UBA2: variants seen among roughly 807,000 people sequenced by gnomAD.
The protein encoded by UBA2 is ubiquitin like modifier activating enzyme 2, also known as SUMO-activating enzyme subunit 2.
UBA2 carries 11 observed loss-of-function variants against 77.2 expected under a neutral mutation model. The observed-to-expected ratio is 0.14, with a 90% CI of 0.09 to 0.24. UBA2 has a LOEUF of 0.24. UBA2 is among the 10% of genes least tolerant of loss of function. The probability of loss-of-function intolerance (pLI) is 1.00; values close to 1 mark genes in which losing one functional copy is unlikely to be tolerated. For synonymous variants in UBA2, 278 were observed against 276.7 expected (o/e 1.00, Z -0.05); for missense variants, 487 against 781.7 (o/e 0.62, Z 4.50).
intron 2 of UBA2, among the ~76,000 whole-genome samples, chr19:34,431,651 G>A (rs561974865): frequency 6.6e-6 from 1 of 152,102 alleles, no homozygotes; most frequent in South Asian, 2.1e-4. Context: ...CGTGGGTCAG[G>A]GGGGGCTCTC....
rs1357686886 is a variant in UBA2, at chr19:34,434,950, A to G, written c.441A>G (p.Gln147=). 3 of 1,604,880 alleles carry G rather than the reference A, an allele frequency of 1.9e-6. No homozygotes were observed. Among genetic ancestry groups the G allele is most frequent in the Non-Finnish European group, 2.6e-6 (3 of 1,176,154 alleles). ...GTGGAACAGCTGGGTATCTTGGACA[A>G]GTAACTACTATCAAAAAGGTAAAGA... ...IESGTAGYLG[Q]VTTIKKGVTE... Residue 147 remains glutamine (Q), a synonymous_variant, in exon 5 of 17, where the codon CAA becomes CAG. Transcript: ENST00000246548.
chr19:34,431,251 T>TC (rs2075251059), intron 2 of UBA2, among the ~76,000 whole-genome samples: 1 of 133,596 alleles, frequency 7.5e-6, no homozygotes, highest in Non-Finnish European at 1.6e-5. Flanking sequence ...TTTCTTTTTT[T>TC]TTTTTTTTTT....
chr19:34,445,224 G>GCTT, intron 8 of UBA2, 103 bp downstream of exon 8: 1 of 1,242,110 alleles, frequency 8.1e-7, no homozygotes, highest in East Asian at 2.4e-5. Context: ...ATTGAATTAA[G>GCTT]CTTCTATGTA....
Position 34,454,345 on chromosome 19 carries a change from A to T in UBA2, c.1124A>T (p.Asp375Val). ...AGTATGAATATGAAGAGTAGATTTGATATCAAATGTAAGTTATTTGTACTA... is the reference window on the plus strand; with the variant it reads ...AGTATGAATATGAAGAGTAGATTTGTTATCAAATGTAAGTTATTTGTACTA... The part of the protein sequence containing the change: ...IFSMNMKSRF[D>V]IKSMAGNIIP... The change falls in exon 11 of 17, where the codon GAT becomes GTT. Residue 375 changes from aspartate (D) to valine (V), a missense_variant. Physicochemically the swap from Asp to Val is radical, Grantham distance 152. Coordinates refer to ENST00000246548, the MANE Select transcript of UBA2 (RefSeq NM_005499.3). 1 of 1,610,616 alleles carries T rather than the reference A, an allele frequency of 6.2e-7. No individual in the cohort carries two copies. Among genetic ancestry groups the T allele is most frequent in the Non-Finnish European group, 8.5e-7 (1 of 1,178,738 alleles).
chr19:34,438,574 GTT>G, intron 5 of UBA2, 69 bp from the exon 6 acceptor site: 1 of 1,570,248 alleles, frequency 6.4e-7, no homozygotes, highest in East Asian at 2.3e-5. Context: ...TGAATGAAGT[GTT>G]TATATTACCT....
chr19:34,452,224 T>C (rs927413710), intron 10 of UBA2, 77 bp downstream of exon 10: 9 of 1,203,820 alleles, frequency 7.5e-6, no homozygotes, highest in Non-Finnish European at 1.0e-5. Context: ...TAGAAGCTAG[T>C]CATTTTTTGA....
At chr19:34,464,170 G>A in intron 15 of UBA2, 39 bp downstream of exon 15, 1 of 1,333,364 alleles carries the variant, frequency 7.5e-7, no homozygotes, top group Non-Finnish European at 1.1e-6. Context: ...GAAATTATTT[G>A]AATATATAAA....
intron 8 of UBA2, among the ~76,000 whole-genome samples, chr19:34,447,691 C>T (rs528819191): frequency 6.6e-6 from 1 of 152,312 alleles, no homozygotes. Context: ...AGAAGTCAAA[C>T]TTTGAACAAT....
intron 12 of UBA2, among the ~76,000 whole-genome samples, chr19:34,458,193 G>A (rs796224307): frequency 2.0e-5 from 3 of 152,120 alleles, no homozygotes; most frequent in African/African-American, 4.8e-5. Context: ...AGAAGAACGC[G>A]GAGTCTTATA....
intron 14 of UBA2, 71 bp from the exon 15 acceptor site, chr19:34,463,955 C>T (rs2075660161): frequency 2.6e-6 from 3 of 1,141,720 alleles, no homozygotes; most frequent in African/African-American, 1.5e-5. Flanking sequence ...AGAGGTTTAG[C>T]TTTTTAAAAA....
intron 15 of UBA2, among the ~76,000 whole-genome samples, chr19:34,464,506 C>T (rs561660628): frequency 5.3e-5 from 8 of 151,314 alleles, no homozygotes; most frequent in Admixed American, 2.0e-4. Flanking sequence ...TGCAGTCAGC[C>T]GGGATCGCGC....
chr19:34,464,322 C>T (rs1247043005), intron 15 of UBA2, among the ~76,000 whole-genome samples, 191 bp downstream of exon 15: 26 of 152,072 alleles, frequency 1.7e-4, no homozygotes, highest in Admixed American at 1.6e-3. Context: ...CAGAAATTGG[C>T]GGGGTGTGGC....
At position 34,450,291 on chromosome 19, in the gene UBA2, G is replaced by C; in HGVS notation, c.798G>C (p.Leu266=). 1 of 1,611,434 alleles carries C rather than the reference G, an allele frequency of 6.2e-7. No homozygotes were observed. Among genetic ancestry groups the C allele is most frequent in the Non-Finnish European group, 8.5e-7 (1 of 1,179,246 alleles). The stretch of plus-strand genomic sequence containing the variant: ...TTTTTAAAGATGACATCAGGTATCT[G>C]TTGACAATGGACAAACTATGGCGGA... ...TKLFKDDIRY[L]LTMDKLWRKR... Residue 266 remains leucine (L), a synonymous_variant, in exon 9 of 17, where the codon CTG becomes CTC. Coordinates refer to ENST00000246548, the MANE Select transcript of UBA2 (RefSeq NM_005499.3).
chr19:34,463,220 G>A (rs1397440227), intron 14 of UBA2, among the ~76,000 whole-genome samples: 1 of 152,116 alleles, frequency 6.6e-6, no homozygotes, highest in African/African-American at 2.4e-5. Context: ...TGTGTGACAC[G>A]GTGAGACCCT....
intron 12 of UBA2, among the ~76,000 whole-genome samples, chr19:34,457,179 AATATATATATATATAT>A (rs766043321): frequency 7.5e-5 from 4 of 53,222 alleles, no homozygotes; most frequent in African/African-American, 3.5e-4. Context: ...AAAAAAAAAA[AATATATATATATATAT>A]ATATATATAT....
intron 14 of UBA2, among the ~76,000 whole-genome samples, chr19:34,460,817 G>T (rs1393304430): frequency 2.0e-5 from 3 of 152,158 alleles, no homozygotes; most frequent in African/African-American, 7.2e-5. Context: ...CGATATCATG[G>T]ATCCTGGGAG....
chr19:34,435,833 A>C (rs1377851105), intron 5 of UBA2, among the ~76,000 whole-genome samples: 1 of 150,014 alleles, frequency 6.7e-6, no homozygotes, highest in Non-Finnish European at 1.5e-5. Flanking sequence ...TCTCAAAAAA[A>C]AAAAGCCAGG....
chr19:34,434,980 T>C lies in UBA2; in HGVS notation c.459+12T>C. 6.5e-7 allele frequency: 1 copy of C among 1,535,060 alleles called. No individual in the cohort carries two copies. Among genetic ancestry groups the C allele is most frequent in the Non-Finnish European group, 8.9e-7 (1 of 1,123,178 alleles). On this transcript the variant is annotated intron_variant, in intron 5 of 16. Transcript: ENST00000246548. Reference sequence around the variant, plus strand: ...CTACTATCAAAAAGGTAAAGAAAAGTTTTATTTTTTTAACTTCCCAAATAT... The same window carrying C: ...CTACTATCAAAAAGGTAAAGAAAAGCTTTATTTTTTTAACTTCCCAAATAT...
chr19:34,457,180 ATATATATATATATATATATATAT>A (rs2075576422), intron 12 of UBA2, among the ~76,000 whole-genome samples: 1 of 39,968 alleles, frequency 2.5e-5, no homozygotes, highest in African/African-American at 1.4e-4. Context: ...AAAAAAAAAA[ATATATATATATATATATATATAT>A]ATATATATAT....
Sources: gnomAD v4.1 joint callset for allele counts (sites outside exome capture counted in the v4.1 genomes callset) on GRCh38, gnomAD v4.1.1 for gene constraint, MANE v1.5 for transcripts, NCBI Gene and HGNC (gene_info 2026-07-23, HGNC 2026-07-21) for gene names.